PFKFB3: variants seen among roughly 807,000 people sequenced by gnomAD.
PFKFB3 encodes the protein 6-phosphofructo-2-kinase/fructose-2,6-bisphosphatase 3.
In PFKFB3, 33 loss-of-function variants were observed where a neutral mutation model predicts 68.0. The ratio of observed to expected loss-of-function variants is 0.49; its 90% confidence interval spans 0.37 to 0.65. PFKFB3 has a LOEUF of 0.65. Ranked by LOEUF, PFKFB3 falls within the 30% of genes least tolerant of loss-of-function variation. The pLI is 0.00. For missense variants in PFKFB3, 586 were observed against 712.2 expected (o/e 0.82, Z 2.02); for synonymous variants, 315 against 288.2 (o/e 1.09, Z -0.94).
At chr10:6,251,396 A>G (rs1846376941) in intron 14 of PFKFB3, among the ~76,000 whole-genome samples, 1 of 152,202 alleles carries the variant, frequency 6.6e-6, no homozygotes, top group Non-Finnish European at 1.5e-5. Context: ...TAGTTCCCCA[A>G]TAGCTTTTTG....
At chr10:6,152,460 GC>G (rs1314259118) in intron 1 of PFKFB3, among the ~76,000 whole-genome samples, 2 of 152,144 alleles carry the variant, frequency 1.3e-5, no homozygotes, top group Admixed American at 6.5e-5. Context: ...AGGGTGGAAG[GC>G]ATCACGATAA....
chr10:6,178,573 G>GA (rs397791332), intron 1 of PFKFB3, among the ~76,000 whole-genome samples: 1 of 151,766 alleles, frequency 6.6e-6, no homozygotes, highest in Admixed American at 6.6e-5. Flanking sequence ...GAGCTTCCGG[G>GA]ATGGACAGAG....
At chr10:6,238,477 CAA>C (rs71390201), downstream of PFKFB3, among the ~76,000 whole-genome samples, 226 of 89,472 alleles carry the variant, frequency 2.5e-3, 2 homozygotes, top group African/African-American at 0.015. Context: ...GGTGCCATCT[CAA>C]AAAAAAAAAA....
intron 1 of PFKFB3, among the ~76,000 whole-genome samples, chr10:6,173,671 G>T (rs1842377415): frequency 2.0e-5 from 3 of 151,996 alleles, no homozygotes; most frequent in Admixed American, 1.3e-4. Flanking sequence ...CCAGAGATCT[G>T]GGGGGCTAGG....
the PFKFB3 span, among the ~76,000 whole-genome samples, chr10:6,290,499 ATT>A: frequency 7.4e-5 from 10 of 135,878 alleles, no homozygotes; most frequent in Non-Finnish European, 6.2e-5. Context: ...TTTGTCTTTG[ATT>A]TTTTTTTTTT....
rs762545765 is a variant in PFKFB3, at chr10:6,219,606, A to C, written c.536A>C (p.Asn179Thr). The C allele has an allele frequency of 1.2e-6, 2 of 1,613,868 alleles. No individual in the cohort carries two copies. The highest frequency in any genetic ancestry group is 2.2e-5 in the South Asian group (2 of 91,076). ...KISSPDYKDCNSAEAMDDFMK... is the reference protein window; with the variant it reads ...KISSPDYKDCTSAEAMDDFMK... ...TCCAGCCCGGATTACAAAGACTGCA[A>C]CTCGGCAGAAGCCATGGACGACTTC... The change falls in exon 7 of 15, where the codon AAC (asparagine) becomes ACC (threonine). Residue 179 changes from asparagine to threonine, a missense_variant. Transcript: ENST00000379775.
At chr10:6,316,485 C>T in the PFKFB3 span, among the ~76,000 whole-genome samples, 130,345 of 152,140 alleles carry the variant, frequency 0.86, 56,022 homozygotes, top group Middle Eastern at 0.91. Flanking sequence ...TCTTTTCTTT[C>T]CTTTTCTTTT....
intron 1 of PFKFB3, among the ~76,000 whole-genome samples, chr10:6,175,694 C>A (rs2131759917): frequency 6.6e-6 from 1 of 152,274 alleles, no homozygotes; most frequent in South Asian, 2.1e-4. Flanking sequence ...GCCTGGGGAC[C>A]CAGTTCTACA....
chr10:6,294,178 G>A, the PFKFB3 span: 1 of 517,396 alleles, frequency 1.9e-6, no homozygotes, highest in African/African-American at 2.0e-5. Context: ...TCTGGATATA[G>A]TTTGGAATAG....
At chr10:6,184,399 A>ACCCCC (rs1842814197) in intron 1 of PFKFB3, among the ~76,000 whole-genome samples, 1 of 152,058 alleles carries the variant, frequency 6.6e-6, no homozygotes, top group Admixed American at 6.6e-5. Flanking sequence ...CCATCCTGGC[A>ACCCCC]ATTCTGGTTT....
chr10:6,284,689 A>C, the PFKFB3 span, among the ~76,000 whole-genome samples: 1 of 152,222 alleles, frequency 6.6e-6, no homozygotes, highest in East Asian at 1.9e-4. Context: ...GTCCATTCCC[A>C]GAACTTGGAA....
chr10:6,221,862 C>T, intron 10 of PFKFB3, 117 bp downstream of exon 10: 1 of 668,570 alleles, frequency 1.5e-6, no homozygotes. Flanking sequence ...CTCCTACACC[C>T]TCCACCTTGG....
the PFKFB3 span, among the ~76,000 whole-genome samples, chr10:6,303,595 A>G: frequency 3.3e-5 from 5 of 152,062 alleles, no homozygotes; most frequent in African/African-American, 1.2e-4. Context: ...CGGGTGGATT[A>G]CGAGGTCAGG....
At chr10:6,267,212 A>C in the PFKFB3 span, among the ~76,000 whole-genome samples, 86,202 of 152,136 alleles carry the variant, frequency 0.57, 25,068 homozygotes, top group Non-Finnish European at 0.65. Context: ...TTGTATAGGC[A>C]TATGTATCTT....
chr10:6,200,665 GGGGGGGGGGGCGGGGGGTGGTGGT>G (rs1843311903), upstream of PFKFB3, among the ~76,000 whole-genome samples: 1 of 133,016 alleles, frequency 7.5e-6, no homozygotes, highest in Non-Finnish European at 1.7e-5. Flanking sequence ...GGAGCGGGGG[GGGGGGGGGGGCGGGGGGTGGTGGT>G]GGGGCGGGGA....
chr10:6,195,547 C>G (rs542171830), intron 1 of PFKFB3, among the ~76,000 whole-genome samples: 3 of 152,316 alleles, frequency 2.0e-5, no homozygotes, highest in African/African-American at 7.2e-5. Context: ...TCACTGCGGC[C>G]CAGGACTCAG....
At chr10:6,164,397 G>A (rs1421552283) in intron 1 of PFKFB3, among the ~76,000 whole-genome samples, 1 of 152,238 alleles carries the variant, frequency 6.6e-6, no homozygotes, top group East Asian at 1.9e-4. Context: ...AGTCACAGGA[G>A]GCATGGTTGA....
chr10:6,176,189 T>A (rs1411316844), intron 1 of PFKFB3, among the ~76,000 whole-genome samples: 1 of 152,166 alleles, frequency 6.6e-6, no homozygotes, highest in Admixed American at 6.5e-5. Context: ...GGGAAAATGC[T>A]GAGGGAAGGA....
intron 13 of PFKFB3, among the ~76,000 whole-genome samples, chr10:6,225,007 C>T (rs1295647308): frequency 6.6e-6 from 1 of 151,846 alleles, no homozygotes; most frequent in Admixed American, 6.6e-5. Flanking sequence ...GGAGGCGCTT[C>T]AGGAGACCTC....
Sources: allele counts gnomAD v4.1 joint callset (sites outside exome capture counted in the v4.1 genomes callset), GRCh38; gene constraint gnomAD v4.1.1; transcripts MANE v1.5; gene names NCBI Gene and HGNC (gene_info 2026-07-23, HGNC 2026-07-21).